Variants in CREB3L2 observed in about 807,000 individuals in gnomAD.
The protein encoded by CREB3L2 is cAMP responsive element binding protein 3 like 2, also known as cyclic AMP-responsive element-binding protein 3-like protein 2.
CREB3L2 carries 23 observed loss-of-function variants against 57.2 expected under a neutral mutation model. The ratio of observed to expected loss-of-function variants is 0.40; its 90% CI spans 0.29 to 0.57. The LOEUF (loss-of-function observed/expected upper bound fraction) is 0.57, where lower values mean the gene tolerates loss of function less well. Ranked by LOEUF, CREB3L2 falls within the 20% of genes least tolerant of loss-of-function variation. CREB3L2 has a pLI of 0.42. For synonymous variants in CREB3L2, 268 were observed against 265.1 expected, an observed-to-expected ratio of 1.01 and a Z score of -0.11; for missense variants, 628 against 634.7, an observed-to-expected ratio of 0.99 and a Z score of 0.11.
chr7:137,918,024 C>T (rs778996161), intron 2 of CREB3L2, among the ~76,000 whole-genome samples: 2 of 152,156 alleles, frequency 1.3e-5, no homozygotes, highest in African/African-American at 4.8e-5. Flanking sequence ...GATGGAGCAA[C>T]TGGACCACGA....
chr7:137,958,208 CT>C (rs1801254618), intron 1 of CREB3L2, among the ~76,000 whole-genome samples: 1 of 152,124 alleles, frequency 6.6e-6, no homozygotes, highest in Non-Finnish European at 1.5e-5. Flanking sequence ...AAGCCCAAGG[CT>C]ATGCGTAACA....
chr7:137,957,438 C>A (rs10242255), intron 1 of CREB3L2, among the ~76,000 whole-genome samples: 7,801 of 152,204 alleles, frequency 0.051, 586 homozygotes, highest in African/African-American at 0.17. Flanking sequence ...AACATCACAA[C>A]CTCATTCCTT....
intron 1 of CREB3L2, among the ~76,000 whole-genome samples, chr7:137,968,034 T>C (rs1801437375): frequency 2.0e-5 from 3 of 152,320 alleles, no homozygotes; most frequent in Non-Finnish European, 4.4e-5. Flanking sequence ...TTAAATAACC[T>C]TCCCAAGATC....
intron 1 of CREB3L2, among the ~76,000 whole-genome samples, chr7:137,963,147 A>C (rs1801353996): frequency 6.6e-6 from 1 of 152,178 alleles, no homozygotes; most frequent in African/African-American, 2.4e-5. Context: ...GATAAGGGTT[A>C]TGGTCTATGT....
chr7:137,908,216 T>C lies in CREB3L2; in HGVS notation c.768+36A>G, dbSNP rs755715528. On this transcript the variant is annotated intron_variant, in intron 5 of 11. Transcript: ENST00000330387. Reference sequence around the variant, plus strand: ...GCCCCAGGGGAATGAATGGAGAGGGTTCCCTTTGGTCCAGGAATGCCCGCT... The same window carrying C: ...GCCCCAGGGGAATGAATGGAGAGGGCTCCCTTTGGTCCAGGAATGCCCGCT... 9 of 1,231,630 alleles carry C rather than the reference T, an allele frequency of 7.3e-6. No homozygotes were observed. The African/African-American group carries it at 1.1e-4, about 15-fold the overall frequency. 76.3% of individuals were successfully genotyped at this position (1,231,630 alleles called of 1,614,324 possible). A position where few individuals can be genotyped will look rare whatever the true frequency, so the allele number is the denominator to read the frequency against.
At chr7:137,929,306 G>A (rs1340638472) in intron 1 of CREB3L2, among the ~76,000 whole-genome samples, 1 of 152,110 alleles carries the variant, frequency 6.6e-6, no homozygotes, top group African/African-American at 2.4e-5. Context: ...CATGGTATGA[G>A]GATCTTCAGA....
chr7:137,904,109 A>C, intron 6 of CREB3L2, 92 bp from the exon 7 acceptor site: 1 of 1,037,932 alleles, frequency 9.6e-7, no homozygotes, highest in Non-Finnish European at 1.5e-6. Context: ...AAGTCACCAA[A>C]GCCCTGCTTA....
At chr7:137,972,722 T>TAC (rs1801534802) in intron 1 of CREB3L2, among the ~76,000 whole-genome samples, 3 of 26,060 alleles carry the variant, frequency 1.2e-4, no homozygotes, top group Admixed American at 6.3e-4. Flanking sequence ...AATATATATA[T>TAC]ATATATATAT....
intron 1 of CREB3L2, among the ~76,000 whole-genome samples, chr7:137,946,097 G>GT (rs1800968700): frequency 6.6e-6 from 1 of 152,132 alleles, no homozygotes; most frequent in African/African-American, 2.4e-5. Flanking sequence ...CCTGCCCACT[G>GT]TAATAGGCTG....
intron 1 of CREB3L2, among the ~76,000 whole-genome samples, chr7:137,940,472 T>TG (rs1275221625): frequency 1.3e-5 from 2 of 152,212 alleles, no homozygotes; most frequent in Non-Finnish European, 2.9e-5. Flanking sequence ...TGGCCTGACC[T>TG]GGTCACTCTA....
At chr7:137,932,044 T>A (rs2117246653) in intron 1 of CREB3L2, among the ~76,000 whole-genome samples, 1 of 152,352 alleles carries the variant, frequency 6.6e-6, no homozygotes, top group South Asian at 2.1e-4. Flanking sequence ...CCCATCCAGG[T>A]CTTTATCCTT....
chr7:137,985,950 T>C (rs773346289), intron 1 of CREB3L2, among the ~76,000 whole-genome samples: 7 of 152,160 alleles, frequency 4.6e-5, no homozygotes, highest in African/African-American at 7.2e-5. Context: ...ATTTTATCCA[T>C]GAGTTCAGAA....
At chr7:137,967,748 C>T (rs894694672) in intron 1 of CREB3L2, among the ~76,000 whole-genome samples, 3 of 152,166 alleles carry the variant, frequency 2.0e-5, no homozygotes, top group Admixed American at 1.3e-4. Flanking sequence ...GAACAGGAAG[C>T]CTGCCCTGCA....
At chr7:137,899,305 C>G (rs1799704520) in intron 8 of CREB3L2, among the ~76,000 whole-genome samples, 1 of 152,154 alleles carries the variant, frequency 6.6e-6, no homozygotes, top group Admixed American at 6.5e-5. Context: ...CCATGTGGCC[C>G]AGGGAAGGCC....
Position 138,001,655 on chromosome 7 carries a change from C to T in CREB3L2, c.51G>A (p.Lys17=). ...GEQGVLQWDR[K]LSELSEPGDG... is the part of the protein sequence containing the mutation. ...CCCCGGGCTCTGACAGCTCGCTCAG[C>T]TTGCGGTCCCACTGCAGCACGCCCT... The change falls in exon 1 of 12, where the codon AAG becomes AAA. Residue 17 remains lysine, a synonymous_variant. Coordinates refer to ENST00000330387, the MANE Select transcript of CREB3L2 (RefSeq NM_194071.4). This position sits in a 1 kb window ranked among gnomAD's most constrained non-coding sequence, Gnocchi z 4.2. The T allele has an allele frequency of 1.2e-6, 2 of 1,613,428 alleles. No homozygotes were observed. Among genetic ancestry groups the T allele is most frequent in the South Asian group, 1.1e-5 (1 of 91,038 alleles).
chr7:137,926,146 G>A (rs1007196259), intron 2 of CREB3L2, among the ~76,000 whole-genome samples: 1 of 152,224 alleles, frequency 6.6e-6, no homozygotes, highest in South Asian at 2.1e-4. Flanking sequence ...GTGTAAATTA[G>A]TTCAACCATT....
intron 1 of CREB3L2, among the ~76,000 whole-genome samples, chr7:137,964,582 A>G (rs1801379190): frequency 6.6e-6 from 1 of 152,200 alleles, no homozygotes; most frequent in Admixed American, 6.5e-5. Context: ...TGCCTCCTGC[A>G]CTCCCACAAA....
chr7:137,988,293 T>C (rs1239174670), intron 1 of CREB3L2, among the ~76,000 whole-genome samples: 1 of 152,256 alleles, frequency 6.6e-6, no homozygotes, highest in Non-Finnish European at 1.5e-5. Flanking sequence ...GGAGCAGGGA[T>C]GTGTCTGGCC....
At position 137,885,575 on chromosome 7, in the gene CREB3L2, C is replaced by T. The variant is rs186573624; in HGVS notation, c.1044-73G>A. ...TGCTTTTTGATCTCTCCATGTGACC[C>T]AAGAAGGCCGCCGTGCCTTTGTGCC... On this transcript the variant is annotated intron_variant, in intron 8 of 11. Coordinates refer to ENST00000330387, the MANE Select transcript of CREB3L2 (RefSeq NM_194071.4). 1,560 of 1,217,986 alleles carry T rather than the reference C, an allele frequency of 1.3e-3. 3 individuals are homozygous for T. Among genetic ancestry groups the T allele is most frequent in the Admixed American group, 2.1e-3 (114 of 55,028 alleles). The allele number at this position is 1,217,986 out of a possible 1,614,324, so 75.4% of individuals were successfully genotyped here.
Sources: gnomAD v4.1 joint callset for allele counts (sites outside exome capture counted in the v4.1 genomes callset) on GRCh38, gnomAD v4.1.1 for gene constraint, Gnocchi (gnomAD v3.1) non-coding constraint, MANE v1.5 for transcripts, NCBI Gene and HGNC (gene_info 2026-07-23, HGNC 2026-07-21) for gene names.